HPSE2: variants seen among roughly 807,000 people sequenced by gnomAD.
HPSE2 encodes heparanase 2 (inactive).
A neutral mutation model predicts 60.5 loss-of-function variants in HPSE2; 38 were observed. The ratio of observed to expected loss-of-function variants is 0.63; its 90% confidence interval spans 0.48 to 0.82. The LOEUF is 0.82. HPSE2 is among the 40% of genes least tolerant of loss of function. HPSE2 has a pLI of 0.00. For missense variants in HPSE2, 713 were observed against 740.4 expected (o/e 0.96, Z 0.43); for synonymous variants, 295 against 293.2 (o/e 1.01, Z -0.06).
At chr10:99,089,297 T>C (rs1025479072) in intron 3 of HPSE2, among the ~76,000 whole-genome samples, 1 of 152,222 alleles carries the variant, frequency 6.6e-6, no homozygotes, top group Non-Finnish European at 1.5e-5. Flanking sequence ...AGAATCTTTA[T>C]GGTTTCAGGT....
chr10:98,544,193 A>C (rs1164793089), intron 9 of HPSE2, among the ~76,000 whole-genome samples: 1 of 152,212 alleles, frequency 6.6e-6, no homozygotes, highest in East Asian at 1.9e-4. Flanking sequence ...AAACTGCTCA[A>C]GTACATGGAA....
chr10:98,768,427 G>T (rs1041316535), intron 3 of HPSE2, among the ~76,000 whole-genome samples: 1 of 152,000 alleles, frequency 6.6e-6, no homozygotes. Flanking sequence ...ATTTGTTTTT[G>T]TCAGTTTATA....
intron 6 of HPSE2, among the ~76,000 whole-genome samples, chr10:98,647,995 A>G (rs567428063): frequency 6.6e-6 from 1 of 152,350 alleles, no homozygotes; most frequent in South Asian, 2.1e-4. Context: ...ATAGAAAAAT[A>G]GTACAGGTAA....
chr10:98,757,194 G>A (rs921364583), intron 3 of HPSE2, among the ~76,000 whole-genome samples: 1 of 152,056 alleles, frequency 6.6e-6, no homozygotes, highest in Non-Finnish European at 1.5e-5. Flanking sequence ...AATAATAAGA[G>A]CCATCTATGG....
intron 3 of HPSE2, among the ~76,000 whole-genome samples, chr10:98,945,680 A>G (rs1955160136): frequency 6.6e-6 from 1 of 152,202 alleles, no homozygotes; most frequent in African/African-American, 2.4e-5. Flanking sequence ...GACAGTATGC[A>G]AAAGTGCATT....
At chr10:99,298,451 C>A in the HPSE2 span, among the ~76,000 whole-genome samples, 2 of 152,224 alleles carry the variant, frequency 1.3e-5, no homozygotes, top group African/African-American at 4.8e-5. Context: ...AAAAGCCTTG[C>A]CACTAAGGTG....
chr10:98,460,548 G>A (rs1454480874), intron 11 of HPSE2, among the ~76,000 whole-genome samples: 1 of 152,084 alleles, frequency 6.6e-6, no homozygotes, highest in Admixed American at 6.5e-5. Context: ...GGGAGGTTGA[G>A]GCTGCAGTGA....
chr10:99,078,442 T>C (rs934201474), intron 3 of HPSE2, among the ~76,000 whole-genome samples: 6 of 152,202 alleles, frequency 3.9e-5, no homozygotes, highest in African/African-American at 1.4e-4. Flanking sequence ...AGATTACTTA[T>C]AATACCTATA....
chr10:99,244,866 A>G, the HPSE2 span, among the ~76,000 whole-genome samples: 7 of 152,104 alleles, frequency 4.6e-5, no homozygotes, highest in South Asian at 1.5e-3. Context: ...TTCTGCTTGA[A>G]TTAACATCTA....
intron 3 of HPSE2, among the ~76,000 whole-genome samples, chr10:98,918,407 T>C (rs1168309485): frequency 1.3e-5 from 2 of 151,546 alleles, no homozygotes; most frequent in South Asian, 2.1e-4. Context: ...CTATTCACAA[T>C]AGCAAAGACT....
chr10:99,004,531 C>T (rs750049980), intron 3 of HPSE2, among the ~76,000 whole-genome samples: 8 of 151,988 alleles, frequency 5.3e-5, no homozygotes, highest in Non-Finnish European at 8.8e-5. Context: ...AAACTAAACA[C>T]TTTCATTCCT....
At chr10:98,748,007 A>G (rs889403792) in intron 3 of HPSE2, among the ~76,000 whole-genome samples, 2 of 152,162 alleles carry the variant, frequency 1.3e-5, no homozygotes, top group African/African-American at 4.8e-5. Flanking sequence ...GTCTAAAATA[A>G]TTATTGCTAG....
chr10:99,196,159 G>A (rs1295520312), intron 2 of HPSE2, among the ~76,000 whole-genome samples: 3 of 152,140 alleles, frequency 2.0e-5, no homozygotes, highest in Non-Finnish European at 4.4e-5. Context: ...TCCATATGCA[G>A]AAGAATAAAA....
chr10:98,878,747 A>T (rs1952942102), intron 3 of HPSE2, among the ~76,000 whole-genome samples: 1 of 151,960 alleles, frequency 6.6e-6, no homozygotes, highest in Non-Finnish European at 1.5e-5. Context: ...TTAAACAAAC[A>T]AGAGATCGAA....
chr10:98,710,437 C>T (rs1205200154), intron 5 of HPSE2, among the ~76,000 whole-genome samples: 1 of 151,844 alleles, frequency 6.6e-6, no homozygotes, highest in East Asian at 1.9e-4. Flanking sequence ...TCCCTTGGAG[C>T]TTATGTTTCC....
At chr10:99,136,571 C>T (rs965659025) in intron 3 of HPSE2, among the ~76,000 whole-genome samples, 6 of 152,180 alleles carry the variant, frequency 3.9e-5, no homozygotes, top group East Asian at 3.8e-4. Flanking sequence ...CCCTGGGATG[C>T]AAGGCTGGTT....
chr10:99,170,021 TAAAAC>T (rs1847247703), intron 2 of HPSE2, among the ~76,000 whole-genome samples: 1 of 152,066 alleles, frequency 6.6e-6, no homozygotes, highest in Non-Finnish European at 1.5e-5. Context: ...TGTGTGCCAA[TAAAAC>T]TATACAAAAA....
chr10:98,900,571 T>G (rs1953638514), intron 3 of HPSE2, among the ~76,000 whole-genome samples: 1 of 152,180 alleles, frequency 6.6e-6, no homozygotes, highest in African/African-American at 2.4e-5. Context: ...ATGCCAAAAC[T>G]TATCAAATTG....
chr10:99,112,089 G>A (rs2135681000), intron 3 of HPSE2, among the ~76,000 whole-genome samples: 1 of 152,284 alleles, frequency 6.6e-6, no homozygotes, highest in Admixed American at 6.5e-5. Flanking sequence ...CTAATTCCAA[G>A]TTTATGAATG....
Sources: gnomAD v4.1 joint callset for allele counts (sites outside exome capture counted in the v4.1 genomes callset) on GRCh38, gnomAD v4.1.1 for gene constraint, MANE v1.5 for transcripts, NCBI Gene and HGNC (gene_info 2026-07-23, HGNC 2026-07-21) for gene names.